TFEC: variants seen among roughly 807,000 people sequenced by gnomAD.
The protein encoded by TFEC is transcription factor EC.
TFEC carries 31 observed loss-of-function variants against 41.6 expected under a neutral mutation model. That is an observed-to-expected ratio of 0.74 (90% CI 0.56 to 1.01). TFEC has a LOEUF of 1.01. Ranked by LOEUF, TFEC falls within the 50% of genes least tolerant of loss-of-function variation. The pLI, the probability that TFEC is intolerant of heterozygous loss-of-function variation, is 0.00. For synonymous variants in TFEC, 143 were observed against 140.6 expected (o/e 1.02, Z -0.12); for missense variants, 402 against 404.1 (o/e 0.99, Z 0.04).
At chr7:116,028,151 C>T (rs537694440) in intron 1 of TFEC, among the ~76,000 whole-genome samples, 1 of 152,244 alleles carries the variant, frequency 6.6e-6, no homozygotes, top group African/African-American at 2.4e-5. Flanking sequence ...ACATAAACTA[C>T]CTCTAATATT....
At chr7:116,128,931 A>T (rs1452074762) in intron 1 of TFEC, among the ~76,000 whole-genome samples, 5 of 152,190 alleles carry the variant, frequency 3.3e-5, no homozygotes, top group Admixed American at 3.3e-4. Flanking sequence ...AAAAGACAAT[A>T]GAAGTAAGTG....
chr7:115,974,461 T>TATA (rs1793293962), intron 2 of TFEC, among the ~76,000 whole-genome samples: 1 of 103,650 alleles, frequency 9.6e-6, no homozygotes, highest in Non-Finnish European at 2.0e-5. Context: ...AAAACACAGA[T>TATA]TACTTTAGCA....
chr7:115,999,614 A>G (rs1255111172), intron 1 of TFEC, among the ~76,000 whole-genome samples: 1 of 151,980 alleles, frequency 6.6e-6, no homozygotes, highest in Non-Finnish European at 1.5e-5. Context: ...GAAGACACAA[A>G]TAAATGAAAT....
At position 115,985,848 on chromosome 7, in the gene TFEC, C is replaced by A. The variant is rs111735456; in HGVS notation, c.-72-1335G>T. The stretch of plus-strand genomic sequence containing the variant: ...TTTTTAGGGTAGCTATTTATATTAT[C>A]CTACTGTTCTAAATTAATTCTTTTT... On this transcript the variant is annotated intron_variant, in intron 1 of 7. Transcript: ENST00000265440. Among the ~76,000 whole-genome samples the A allele has an allele frequency of 1.6e-3, 242 of 151,996 alleles. 1 individual carries two copies. Among genetic ancestry groups the A allele is most frequent in the African/African-American group, 5.5e-3 (227 of 41,496 alleles).
At chr7:115,976,024 T>C (rs1326361384) in intron 2 of TFEC, among the ~76,000 whole-genome samples, 1 of 152,180 alleles carries the variant, frequency 6.6e-6, no homozygotes, top group Non-Finnish European at 1.5e-5. Context: ...ACCAATGTAT[T>C]AATAGTAATA....
intron 2 of TFEC, chr7:116,111,959 G>C (rs993716250): frequency 1.0e-6 from 1 of 978,612 alleles, no homozygotes; most frequent in East Asian, 1.1e-4. Context: ...GCTGAGACAA[G>C]TCTATGCAAC....
intron 1 of TFEC, among the ~76,000 whole-genome samples, chr7:115,986,586 T>G (rs959061554): frequency 4.6e-5 from 7 of 151,712 alleles, no homozygotes; most frequent in South Asian, 2.1e-4. Context: ...GAAGGAGAGA[T>G]AGTACTACAC....
chr7:116,057,158 G>C (rs1177496239), intron 3 of TFEC, among the ~76,000 whole-genome samples: 1 of 152,022 alleles, frequency 6.6e-6, no homozygotes, highest in African/African-American at 2.4e-5. Context: ...TGGGCAAAGT[G>C]TCCATTAGCT....
At chr7:116,130,605 A>C (rs59540944) in intron 1 of TFEC, among the ~76,000 whole-genome samples, 27,304 of 152,004 alleles carry the variant, frequency 0.18, 2,474 homozygotes, top group East Asian at 0.25. Flanking sequence ...TATTCTGCAC[A>C]ATATTTCTTT....
intron 1 of TFEC, among the ~76,000 whole-genome samples, chr7:115,985,657 T>C (rs897050458): frequency 6.6e-6 from 1 of 152,134 alleles, no homozygotes; most frequent in Non-Finnish European, 1.5e-5. Flanking sequence ...TTTAATTCTG[T>C]TATGCTGACA....
chr7:116,041,278 A>G (rs1796031261), intron 3 of TFEC, among the ~76,000 whole-genome samples: 1 of 152,082 alleles, frequency 6.6e-6, no homozygotes, highest in African/African-American at 2.4e-5. Flanking sequence ...AAAAGAAAGG[A>G]AGCATTAAAA....
intron 3 of TFEC, among the ~76,000 whole-genome samples, chr7:116,091,123 A>G (rs530672812): frequency 1.4e-4 from 21 of 151,874 alleles, no homozygotes; most frequent in Non-Finnish European, 2.9e-4. Context: ...TAAAAAAAGG[A>G]AAAAAAAATT....
chr7:116,087,527 A>C (rs1797229117), intron 3 of TFEC, among the ~76,000 whole-genome samples: 1 of 152,004 alleles, frequency 6.6e-6, no homozygotes, highest in Non-Finnish European at 1.5e-5. Context: ...ACAGGCTTTC[A>C]CCCATAAGCT....
chr7:116,146,491 G>A (rs1048533310), intron 1 of TFEC, among the ~76,000 whole-genome samples: 15 of 152,238 alleles, frequency 9.9e-5, no homozygotes, highest in Middle Eastern at 3.4e-3. Flanking sequence ...CTAATCACAA[G>A]CCTCCATCTC....
At chr7:115,944,546 T>C (rs1328930463) in intron 6 of TFEC, among the ~76,000 whole-genome samples, 1 of 151,774 alleles carries the variant, frequency 6.6e-6, no homozygotes, top group African/African-American at 2.4e-5. Flanking sequence ...ACTTTCTGAA[T>C]ATTTTGATAC....
intron 3 of TFEC, among the ~76,000 whole-genome samples, 188 bp from the exon 4 acceptor site, chr7:115,956,981 T>A (rs938875655): frequency 6.6e-5 from 10 of 151,928 alleles, no homozygotes; most frequent in African/African-American, 2.2e-4. Flanking sequence ...ATAAAATGCT[T>A]ACAGATAAGA....
At chr7:115,972,177 T>C (rs1490132353) in intron 3 of TFEC, among the ~76,000 whole-genome samples, 1 of 152,132 alleles carries the variant, frequency 6.6e-6, no homozygotes, top group Non-Finnish European at 1.5e-5. Context: ...AAATCTTAAC[T>C]ATACAGTACT....
At chr7:116,009,423 A>T (rs1245356238) in intron 1 of TFEC, among the ~76,000 whole-genome samples, 1 of 152,130 alleles carries the variant, frequency 6.6e-6, no homozygotes, top group East Asian at 1.9e-4. Context: ...CTTAAAATAC[A>T]CTTGACACTG....
chr7:115,973,283 A>G (rs981444369), intron 3 of TFEC, among the ~76,000 whole-genome samples: 2 of 151,656 alleles, frequency 1.3e-5, no homozygotes, highest in African/African-American at 4.8e-5. Flanking sequence ...TGCTTCCACC[A>G]TTTTTTTTCT....
Sources: allele counts gnomAD v4.1 joint callset (sites outside exome capture counted in the v4.1 genomes callset), GRCh38; gene constraint gnomAD v4.1.1; transcripts MANE v1.5; gene names NCBI Gene and HGNC (gene_info 2026-07-23, HGNC 2026-07-21).